The following SEMA6A variants were observed in gnomAD, a reference collection of about 807,000 sequenced individuals.
SEMA6A encodes the protein semaphorin 6A.
A neutral mutation model predicts 96.8 loss-of-function variants in SEMA6A; 25 were observed. That is an observed-to-expected ratio of 0.26 (90% CI 0.19 to 0.36). The LOEUF (loss-of-function observed/expected upper bound fraction) is 0.36. SEMA6A is among the 10% of genes least tolerant of loss of function. SEMA6A has a pLI of 1.00. For synonymous variants in SEMA6A, 612 were observed against 518.0 expected (o/e 1.18, Z -2.46); for missense variants, 1,363 against 1,323.1 (o/e 1.03, Z -0.47).
chr5:116,481,669 C>G (rs896590733), intron 11 of SEMA6A, among the ~76,000 whole-genome samples: 2 of 152,140 alleles, frequency 1.3e-5, no homozygotes, highest in African/African-American at 4.8e-5. Flanking sequence ...TTCTATGAAA[C>G]TTGGAGTGCA....
At chr5:116,464,667 G>GGTTA in intron 18 of SEMA6A, among the ~76,000 whole-genome samples, 1 of 152,132 alleles carries the variant, frequency 6.6e-6, no homozygotes, top group African/African-American at 2.4e-5. Context: ...AGCAGAAGGG[G>GGTTA]GTTAGGCTGC....
At chr5:116,540,223 GA>G (rs1178760345) in intron 1 of SEMA6A, among the ~76,000 whole-genome samples, 2 of 152,134 alleles carry the variant, frequency 1.3e-5, no homozygotes, top group Non-Finnish European at 2.9e-5. Flanking sequence ...TTTAAATTGG[GA>G]AAAGTATGCA....
intron 1 of SEMA6A, among the ~76,000 whole-genome samples, chr5:116,523,460 C>G (rs201411607): frequency 6.6e-6 from 1 of 152,022 alleles, no homozygotes; most frequent in Admixed American, 6.6e-5. Flanking sequence ...TACAGGCACG[C>G]GCCACCATGC....
At chr5:116,474,594 A>G (rs1408598930) in intron 16 of SEMA6A, among the ~76,000 whole-genome samples, 1 of 152,210 alleles carries the variant, frequency 6.6e-6, no homozygotes, top group African/African-American at 2.4e-5. Flanking sequence ...GATTATAACT[A>G]ATCTCTAAAA....
At chr5:116,502,636 G>A (rs1757941965) in intron 2 of SEMA6A, 1 of 260,208 alleles carries the variant, frequency 3.8e-6, no homozygotes, top group Non-Finnish European at 7.3e-6. Flanking sequence ...GCATGAAGGT[G>A]CTCTTTTCTT....
At chr5:116,509,446 G>GCGTT (rs1758303792) in intron 1 of SEMA6A, among the ~76,000 whole-genome samples, 11 of 152,134 alleles carry the variant, frequency 7.2e-5, no homozygotes, top group Admixed American at 5.2e-4. Flanking sequence ...CACATTAATG[G>GCGTT]CGTTGACCTT....
chr5:116,524,788 A>ACG (rs1324265363), intron 1 of SEMA6A, among the ~76,000 whole-genome samples: 31 of 150,050 alleles, frequency 2.1e-4, no homozygotes, highest in African/African-American at 6.8e-4. Context: ...ACACACACAC[A>ACG]GACACACACA....
chr5:116,513,601 C>CTTT (rs138397170), intron 1 of SEMA6A, among the ~76,000 whole-genome samples: 4 of 133,260 alleles, frequency 3.0e-5, no homozygotes, highest in Non-Finnish European at 6.6e-5. Context: ...TCTTGATTTT[C>CTTT]TTTTTTTTTT....
At chr5:116,524,584 G>A (rs1759119621) in intron 1 of SEMA6A, among the ~76,000 whole-genome samples, 1 of 151,640 alleles carries the variant, frequency 6.6e-6, no homozygotes, top group African/African-American at 2.4e-5. Flanking sequence ...TAAATATCAA[G>A]AGGGCAGCTG....
At chr5:116,499,081 GGCTTGCGATT>G (rs950019337) in intron 3 of SEMA6A, 6 of 152,180 alleles carry the variant, frequency 3.9e-5, no homozygotes, top group African/African-American at 1.4e-4. Context: ...GATGGGACTT[GGCTTGCGATT>G]GCTGACAGCA....
intron 1 of SEMA6A, among the ~76,000 whole-genome samples, chr5:116,571,496 GATTT>G (rs1387143407): frequency 2.0e-5 from 3 of 152,142 alleles, no homozygotes; most frequent in Non-Finnish European, 4.4e-5. Context: ...CCAAAAGTAA[GATTT>G]TAAATTTGAT....
chr5:116,545,640 T>C (rs907815147), intron 1 of SEMA6A, among the ~76,000 whole-genome samples: 3 of 152,198 alleles, frequency 2.0e-5, no homozygotes, highest in African/African-American at 7.2e-5. Context: ...GGAGCACCCT[T>C]TCTGCAGAAA....
intron 1 of SEMA6A, among the ~76,000 whole-genome samples, chr5:116,571,166 G>A (rs1030849129): frequency 6.6e-6 from 1 of 152,000 alleles, no homozygotes; most frequent in Non-Finnish European, 1.5e-5. Flanking sequence ...GGACAAACAT[G>A]AACCATGTGT....
intron 2 of SEMA6A, among the ~76,000 whole-genome samples, chr5:116,503,936 A>C (rs1758020585): frequency 6.6e-6 from 1 of 152,164 alleles, no homozygotes; most frequent in African/African-American, 2.4e-5. Context: ...GGAATGATGA[A>C]CTTGAACTAC....
intron 18 of SEMA6A, among the ~76,000 whole-genome samples, chr5:116,452,632 A>G (rs1379990444): frequency 1.3e-5 from 2 of 152,154 alleles, no homozygotes; most frequent in African/African-American, 4.8e-5. Flanking sequence ...TATGATGACC[A>G]TGTTAATAAA....
chr5:116,562,675 C>T (rs1323937518), intron 1 of SEMA6A: 1 of 712,932 alleles, frequency 1.4e-6, no homozygotes, highest in African/African-American at 1.8e-5. Flanking sequence ...CCTTCAATGA[C>T]ACTTTTGTCC....
chr5:116,513,372 C>G (rs559736467), intron 1 of SEMA6A, among the ~76,000 whole-genome samples: 2 of 152,260 alleles, frequency 1.3e-5, no homozygotes, highest in Admixed American at 6.5e-5. Context: ...GGTGATCTGC[C>G]CGCCTCAGCC....
At chr5:116,571,177 G>A (rs1169040229) in intron 1 of SEMA6A, among the ~76,000 whole-genome samples, 3 of 152,068 alleles carry the variant, frequency 2.0e-5, no homozygotes, top group African/African-American at 7.2e-5. Context: ...AACCATGTGT[G>A]ACTATTTATT....
rs1324120024 is a variant in SEMA6A at position 116,443,967 on chromosome 5, T to C, written c.*2646A>G. On this transcript the variant is annotated 3_prime_UTR_variant, in exon 19 of 19. Coordinates refer to ENST00000343348, the MANE Select transcript of SEMA6A (RefSeq NM_020796.5). ...ATGTGGATGTAAGTTTTGACACAGG[T>C]CTCCTTAACAGCTGAGGCAGTGATG... 2.0e-5 allele frequency: 3 copies of C among 151,906 alleles called. No homozygotes were observed. The highest frequency in any genetic ancestry group is 2.0e-4 in the Admixed American group (3 of 15,262). 9.4% of individuals were successfully genotyped at this position (151,906 alleles called of 1,614,324 possible).
Sources: gnomAD v4.1 joint callset for allele counts (sites outside exome capture counted in the v4.1 genomes callset) on GRCh38, gnomAD v4.1.1 for gene constraint, MANE v1.5 for transcripts, NCBI Gene and HGNC (gene_info 2026-07-23, HGNC 2026-07-21) for gene names.